Variants in CEP112 observed in about 807,000 individuals in gnomAD.
The protein encoded by CEP112 is centrosomal protein 112.
In CEP112, 127 loss-of-function variants were observed where a neutral mutation model predicts 153.0. That is an observed-to-expected ratio of 0.83 (90% CI 0.72 to 0.96). The LOEUF (loss-of-function observed/expected upper bound fraction) is 0.96, where lower values mean the gene tolerates loss of function less well. CEP112 is among the 40% of genes least tolerant of loss of function. CEP112 has a pLI of 0.00. For synonymous variants in CEP112, 358 were observed against 374.4 expected, an observed-to-expected ratio of 0.96 and a Z score of 0.51; for missense variants, 1,089 against 1,101.2, an observed-to-expected ratio of 0.99 and a Z score of 0.16.
intron 17 of CEP112, among the ~76,000 whole-genome samples, chr17:65,997,475 C>T (rs1254521000): frequency 1.3e-5 from 2 of 152,150 alleles, no homozygotes; most frequent in Non-Finnish European, 2.9e-5. Flanking sequence ...TTACACTCTG[C>T]TCCACTCCTT....
chr17:66,183,398 T>G (rs1339237390), intron 1 of CEP112, 91 bp from the exon 2 acceptor site: 4 of 792,032 alleles, frequency 5.1e-6, no homozygotes, highest in Non-Finnish European at 3.9e-6. Context: ...TCTTAAGTGT[T>G]AGATATCAGT....
chr17:65,669,714 T>G lies in CEP112; in HGVS notation c.2697+19415A>C, dbSNP rs141236459. On this transcript the variant is annotated intron_variant, in intron 24 of 26. Coordinates refer to ENST00000535342, the MANE Select transcript of CEP112 (RefSeq NM_001199165.4). The stretch of plus-strand genomic sequence containing the variant: ...GTCAGGAGATCGAGACCATCCTGGC[T>G]AACACGGTGAAACCCTGTCTCTACT... Among the ~76,000 whole-genome samples, 263 of 152,144 alleles carry G rather than the reference T, an allele frequency of 1.7e-3. 1 individual carries two copies. Among genetic ancestry groups the G allele is most frequent in the Non-Finnish European group, 3.1e-3 (212 of 67,974 alleles).
chr17:66,085,712 C>T (rs918248918), intron 8 of CEP112, among the ~76,000 whole-genome samples: 1 of 152,124 alleles, frequency 6.6e-6, no homozygotes, highest in Non-Finnish European at 1.5e-5. Flanking sequence ...AGCACGGTGG[C>T]TCACGCCTGT....
At chr17:65,714,867 G>A (rs2049406800) in intron 23 of CEP112, among the ~76,000 whole-genome samples, 1 of 152,138 alleles carries the variant, frequency 6.6e-6, no homozygotes, top group Non-Finnish European at 1.5e-5. Context: ...TGAGGGGTAG[G>A]CAGGCTAGTG....
At chr17:65,770,351 A>T (rs959587704) in intron 21 of CEP112, among the ~76,000 whole-genome samples, 2 of 150,218 alleles carry the variant, frequency 1.3e-5, no homozygotes, top group Admixed American at 6.7e-5. Context: ...TGCTGAAATT[A>T]AAAAAAAAAT....
At chr17:65,973,563 C>T (rs1201935777) in intron 17 of CEP112, among the ~76,000 whole-genome samples, 8 of 152,182 alleles carry the variant, frequency 5.3e-5, no homozygotes, top group African/African-American at 1.9e-4. Context: ...TACTACTACA[C>T]ACTTGTGAGC....
chr17:66,092,675 T>C (rs910589611), intron 8 of CEP112, among the ~76,000 whole-genome samples: 1 of 152,184 alleles, frequency 6.6e-6, no homozygotes, highest in Non-Finnish European at 1.5e-5. Context: ...GCATTCACCA[T>C]GATCAAGTGG....
intron 8 of CEP112, among the ~76,000 whole-genome samples, chr17:66,095,874 AG>A (rs1218735726): frequency 6.6e-6 from 1 of 152,120 alleles, no homozygotes; most frequent in African/African-American, 2.4e-5. Flanking sequence ...CAACAGCTCA[AG>A]ACCAGCCTGG....
chr17:65,874,300 CA>C (rs1222340431), intron 20 of CEP112, among the ~76,000 whole-genome samples: 3 of 152,108 alleles, frequency 2.0e-5, no homozygotes, highest in African/African-American at 4.8e-5. Context: ...TTTTAGTTAA[CA>C]AAAGCTTATT....
intron 22 of CEP112, 110 bp from the exon 23 acceptor site, chr17:65,743,327 A>G (rs1275207115): frequency 2.5e-6 from 2 of 785,850 alleles, no homozygotes; most frequent in Non-Finnish European, 2.0e-6. Flanking sequence ...CTATTCCACA[A>G]ATTAAATATT....
chr17:65,912,586 A>C (rs2050722029), intron 19 of CEP112, among the ~76,000 whole-genome samples: 1 of 152,230 alleles, frequency 6.6e-6, no homozygotes, highest in Admixed American at 6.5e-5. Context: ...CTTCCTCCAT[A>C]GTAAGCCAAG....
At chr17:65,997,124 T>C (rs921420105) in intron 17 of CEP112, among the ~76,000 whole-genome samples, 3 of 152,094 alleles carry the variant, frequency 2.0e-5, no homozygotes, top group African/African-American at 7.2e-5. Flanking sequence ...GGCAGAAGAA[T>C]TGCTTGAACC....
At chr17:65,734,454 G>C (rs761423782) in intron 23 of CEP112, among the ~76,000 whole-genome samples, 1 of 152,174 alleles carries the variant, frequency 6.6e-6, no homozygotes, top group East Asian at 1.9e-4. Flanking sequence ...CATCTACTGA[G>C]TTTATCATAT....
At chr17:65,960,423 G>T (rs1442891942) in intron 18 of CEP112, among the ~76,000 whole-genome samples, 1 of 151,982 alleles carries the variant, frequency 6.6e-6, no homozygotes, top group East Asian at 1.9e-4. Context: ...TTATCTATGG[G>T]CATTATGTAT....
At chr17:65,754,407 G>A (rs763051273) in intron 21 of CEP112, among the ~76,000 whole-genome samples, 6 of 152,210 alleles carry the variant, frequency 3.9e-5, no homozygotes, top group Non-Finnish European at 7.4e-5. Context: ...CCAGGAGTTC[G>A]AGACCAGCCT....
At position 65,905,633 on chromosome 17, in the gene CEP112, T is replaced by C. The variant is rs1335041660; in HGVS notation, c.1981-3299A>G. On this transcript the variant is annotated intron_variant, in intron 19 of 26. Transcript: ENST00000535342. ...CAAAGGATTTTAAATCATTCTACTA[T>C]AAAGACACATGCATGGCTGGGTACG... is the stretch of plus-strand genomic sequence containing the variant. Among the ~76,000 whole-genome samples, 5 of 152,244 alleles carry C rather than the reference T, an allele frequency of 3.3e-5. No individual in the cohort carries two copies. In the East Asian group the frequency reaches 9.6e-4, roughly 29 times the overall value.
intron 21 of CEP112, among the ~76,000 whole-genome samples, chr17:65,824,877 C>T (rs1024125039): frequency 1.3e-5 from 2 of 152,016 alleles, no homozygotes; most frequent in African/African-American, 2.4e-5. Context: ...TGTGCACTGC[C>T]GATGGGAATG....
intron 18 of CEP112, among the ~76,000 whole-genome samples, chr17:65,934,648 G>C (rs1291632655): frequency 6.6e-6 from 1 of 152,206 alleles, no homozygotes; most frequent in Non-Finnish European, 1.5e-5. Flanking sequence ...AGAGACTCAT[G>C]TCATGTTTAT....
Position 66,177,018 on chromosome 17 carries a change from G to T in CEP112, c.109C>A (p.Arg37=). 1 of 1,597,182 alleles carries T rather than the reference G, an allele frequency of 6.3e-7. No individual in the cohort carries two copies. Among genetic ancestry groups the T allele is most frequent in the Non-Finnish European group, 8.5e-7 (1 of 1,174,728 alleles). ...CTAATCCAAAGAGCACACCTCTGCC[G>T]TTCTATAAATACAGAAGAACTATTA... ...FVLKLPHRTE[R]QRCALWIRKL... Residue 37 remains arginine, a splice_region_variant and synonymous_variant, in exon 3 of 27, where the codon CGG becomes AGG. Transcript: ENST00000535342.
Sources: gnomAD v4.1 joint callset for allele counts (sites outside exome capture counted in the v4.1 genomes callset) on GRCh38, gnomAD v4.1.1 for gene constraint, MANE v1.5 for transcripts, NCBI Gene and HGNC (gene_info 2026-07-23, HGNC 2026-07-21) for gene names.